MBNL2: variants seen among roughly 807,000 people sequenced by gnomAD.
MBNL2 encodes muscleblind-like protein 2.
A neutral mutation model predicts 41.9 loss-of-function variants in MBNL2; 17 were observed. That is an observed-to-expected ratio of 0.41 (90% CI 0.28 to 0.61). MBNL2 has a LOEUF of 0.61. Ranked by LOEUF, MBNL2 falls within the 20% of genes least tolerant of loss-of-function variation. MBNL2 has a pLI of 0.35. For synonymous variants in MBNL2, 195 were observed against 182.9 expected (o/e 1.07, Z -0.53); for missense variants, 336 against 505.6 (o/e 0.66, Z 3.22).
chr13:97,350,501 G>T (rs1432038440), intron 5 of MBNL2, among the ~76,000 whole-genome samples: 5 of 152,196 alleles, frequency 3.3e-5, no homozygotes, highest in Admixed American at 1.3e-4. Flanking sequence ...ATAGCATTTT[G>T]CTCAGAGTAG....
chr13:97,373,083 T>C (rs2064544941), intron 8 of MBNL2, among the ~76,000 whole-genome samples: 2 of 152,192 alleles, frequency 1.3e-5, no homozygotes, highest in Non-Finnish European at 2.9e-5. Flanking sequence ...CCAGCCTCTA[T>C]GGATGGCTGA....
chr13:97,187,722 A>G, the MBNL2 span, among the ~76,000 whole-genome samples: 1 of 151,634 alleles, frequency 6.6e-6, no homozygotes, highest in Non-Finnish European at 1.5e-5. Context: ...CCTGGCTAAC[A>G]CACTGAAACC....
At chr13:97,320,613 C>G (rs1166996521) in intron 2 of MBNL2, among the ~76,000 whole-genome samples, 2 of 151,954 alleles carry the variant, frequency 1.3e-5, no homozygotes, top group African/African-American at 2.4e-5. Context: ...CATTCCTTGG[C>G]TTAAAGATGG....
intron 7 of MBNL2, among the ~76,000 whole-genome samples, chr13:97,358,321 C>A (rs185303349): frequency 6.6e-6 from 1 of 152,056 alleles, no homozygotes; most frequent in Non-Finnish European, 1.5e-5. Flanking sequence ...AACTGAGGCC[C>A]CCTAAATGAG....
At chr13:97,252,725 A>T (rs574990631) in intron 1 of MBNL2, among the ~76,000 whole-genome samples, 41 of 152,232 alleles carry the variant, frequency 2.7e-4, no homozygotes, top group African/African-American at 9.6e-4. Context: ...TAGTTATCTC[A>T]TTTCTGGCAA....
chr13:97,270,487 A>G (rs1333291422), intron 1 of MBNL2, among the ~76,000 whole-genome samples: 1 of 152,240 alleles, frequency 6.6e-6, no homozygotes, highest in Non-Finnish European at 1.5e-5. Flanking sequence ...TTAAAATTAA[A>G]AAAGTAAATT....
chr13:97,200,507 T>C, the MBNL2 span, among the ~76,000 whole-genome samples: 2 of 152,240 alleles, frequency 1.3e-5, no homozygotes, highest in Admixed American at 6.5e-5. Flanking sequence ...TTTCTACTTA[T>C]AATATTTACA....
At chr13:97,291,140 C>G (rs1479050057) in intron 2 of MBNL2, among the ~76,000 whole-genome samples, 1 of 152,100 alleles carries the variant, frequency 6.6e-6, no homozygotes, top group Non-Finnish European at 1.5e-5. Context: ...TTAAAAAAAG[C>G]CTCTGCATCA....
intron 3 of MBNL2, among the ~76,000 whole-genome samples, chr13:97,340,084 C>G (rs1202317813): frequency 6.6e-6 from 1 of 152,160 alleles, no homozygotes; most frequent in African/African-American, 2.4e-5. Context: ...CTTGCTGCCG[C>G]ACTTGCTTCT....
intron 1 of MBNL2, among the ~76,000 whole-genome samples, chr13:97,256,700 T>C (rs759836670): frequency 6.6e-6 from 1 of 152,198 alleles, no homozygotes; most frequent in Non-Finnish European, 1.5e-5. Flanking sequence ...AGTATGTAGA[T>C]AGAATCTCAG....
chr13:97,172,334 A>T, the MBNL2 span: 1 of 152,184 alleles, frequency 6.6e-6, no homozygotes, highest in East Asian at 1.9e-4. Flanking sequence ...AAGTGCTAGC[A>T]ATCTATTTAG....
chr13:97,299,817 A>T (rs1318646634), intron 2 of MBNL2, among the ~76,000 whole-genome samples: 2 of 152,180 alleles, frequency 1.3e-5, no homozygotes, highest in African/African-American at 4.8e-5. Context: ...ATTCTAAGAG[A>T]TATATTCCAT....
chr13:97,336,765 A>G (rs539850351), intron 3 of MBNL2, among the ~76,000 whole-genome samples: 14 of 152,242 alleles, frequency 9.2e-5, no homozygotes, highest in Non-Finnish European at 2.1e-4. Flanking sequence ...TTCTAAGCCA[A>G]TGGGTTTATA....
intron 2 of MBNL2, among the ~76,000 whole-genome samples, chr13:97,318,910 C>T (rs768803415): frequency 6.8e-4 from 103 of 152,214 alleles, no homozygotes; most frequent in Non-Finnish European, 1.1e-3. Flanking sequence ...TCAAGGTCTC[C>T]GCCCTCTCTA....
the MBNL2 span, among the ~76,000 whole-genome samples, chr13:97,210,460 AGTAT>A: frequency 2.0e-5 from 3 of 151,096 alleles, no homozygotes; most frequent in Non-Finnish European, 4.4e-5. Context: ...ACCAAAGTGT[AGTAT>A]GTATGTGGAT....
the MBNL2 span, among the ~76,000 whole-genome samples, chr13:97,176,827 C>T: frequency 1.3e-5 from 2 of 152,122 alleles, no homozygotes; most frequent in Non-Finnish European, 2.9e-5. Flanking sequence ...AATTCCCCTA[C>T]ATCGACCTAC....
chr13:97,155,853 A>C, the MBNL2 span, among the ~76,000 whole-genome samples: 1 of 148,112 alleles, frequency 6.8e-6, no homozygotes, highest in Non-Finnish European at 1.5e-5. Flanking sequence ...GCCGCAATAA[A>C]CATACGTGTG....
At chr13:97,288,696 G>C (rs1566394418) in intron 2 of MBNL2, among the ~76,000 whole-genome samples, 1 of 152,080 alleles carries the variant, frequency 6.6e-6, no homozygotes, top group Non-Finnish European at 1.5e-5. Flanking sequence ...TTTCCACTTG[G>C]TTTGATTCAA....
chr13:97,195,835 CAT>C, the MBNL2 span, among the ~76,000 whole-genome samples: 1 of 152,128 alleles, frequency 6.6e-6, no homozygotes, highest in Non-Finnish European at 1.5e-5. Context: ...ACGAGAGCCT[CAT>C]ATTCTACAGC....
Sources: gnomAD v4.1 joint callset for allele counts (sites outside exome capture counted in the v4.1 genomes callset) on GRCh38, gnomAD v4.1.1 for gene constraint, MANE v1.5 for transcripts, NCBI Gene and HGNC (gene_info 2026-07-23, HGNC 2026-07-21) for gene names.